LARP1: variants seen among roughly 807,000 people sequenced by gnomAD.
The protein encoded by LARP1 is La ribonucleoprotein 1, translational regulator, also known as la-related protein 1.
Under a neutral mutation model 122.7 loss-of-function variants are expected in LARP1, and 36 were observed. The observed-to-expected ratio is 0.29, with a 90% CI of 0.22 to 0.39. The LOEUF (loss-of-function observed/expected upper bound fraction) is 0.39. LARP1 is among the 10% of genes least tolerant of loss of function. The pLI is 1.00. For missense variants in LARP1, 1,040 were observed against 1,403.6 expected (o/e 0.74, Z 4.14); for synonymous variants, 539 against 528.7 (o/e 1.02, Z -0.27).
chr5:154,724,721 A>G (rs1056419350), intron 1 of LARP1, among the ~76,000 whole-genome samples: 3 of 149,910 alleles, frequency 2.0e-5, no homozygotes, highest in African/African-American at 7.4e-5. Flanking sequence ...GCTGGAGTGC[A>G]GTGGCACAAT....
chr5:154,739,370 A>C (rs769426995), intron 1 of LARP1, among the ~76,000 whole-genome samples: 4 of 152,106 alleles, frequency 2.6e-5, no homozygotes, highest in Non-Finnish European at 5.9e-5. Flanking sequence ...CAAGTACCAA[A>C]AGCACATGAT....
chr5:154,792,868 C>T, intron 4 of LARP1, 72 bp downstream of exon 4: 1 of 1,491,904 alleles, frequency 6.7e-7, no homozygotes, highest in Non-Finnish European at 9.1e-7. Flanking sequence ...CTCCAGGGGA[C>T]TGCTGGAGGA....
At chr5:154,784,705 G>C (rs1314830053) in intron 1 of LARP1, among the ~76,000 whole-genome samples, 3 of 152,132 alleles carry the variant, frequency 2.0e-5, no homozygotes, top group African/African-American at 7.2e-5. Context: ...CCTCTTACCA[G>C]ATCTTTTTAC....
chr5:154,716,216 C>T (rs10073561), intron 1 of LARP1, among the ~76,000 whole-genome samples: 115,353 of 152,004 alleles, frequency 0.76, 44,265 homozygotes, highest in African/African-American at 0.88. Context: ...GCCTCCCGGG[C>T]TCAAGCGATT....
intron 1 of LARP1, among the ~76,000 whole-genome samples, chr5:154,761,143 C>T (rs1189357910): frequency 6.6e-6 from 1 of 152,212 alleles, no homozygotes; most frequent in Non-Finnish European, 1.5e-5. Flanking sequence ...AATTAGGACA[C>T]CCTTTGAAGG....
intron 1 of LARP1, among the ~76,000 whole-genome samples, chr5:154,733,083 AC>A (rs1756679101): frequency 6.6e-6 from 1 of 152,110 alleles, no homozygotes; most frequent in Non-Finnish European, 1.5e-5. Flanking sequence ...CTCCGTCTGG[AC>A]CCACCTGGAA....
upstream of LARP1, among the ~76,000 whole-genome samples, chr5:154,753,016 G>C (rs530456095): frequency 1.3e-5 from 2 of 152,078 alleles, no homozygotes; most frequent in South Asian, 2.1e-4. Flanking sequence ...GCAGGCCCAG[G>C]GTAGGCAGAT....
chr5:154,701,226 T>C (rs901481760), intron 1 of LARP1, among the ~76,000 whole-genome samples: 1 of 152,196 alleles, frequency 6.6e-6, no homozygotes, highest in Admixed American at 6.5e-5. Flanking sequence ...ACAGGTCTTT[T>C]GGCAGACAGC....
At chr5:154,793,534 A>G in intron 4 of LARP1, 61 bp from the exon 5 acceptor site, 1 of 1,608,004 alleles carries the variant, frequency 6.2e-7, no homozygotes, top group Non-Finnish European at 8.5e-7. Context: ...GGAGTTGGGT[A>G]GAGCTGGCTA....
chr5:154,792,085 G>A (rs1251057657), intron 3 of LARP1: 13 of 423,460 alleles, frequency 3.1e-5, no homozygotes, highest in Non-Finnish European at 4.9e-6. Flanking sequence ...GTAGGAGAGT[G>A]GTCATTAGGC....
intron 1 of LARP1, among the ~76,000 whole-genome samples, chr5:154,721,074 G>A (rs894356165): frequency 5.3e-5 from 8 of 151,836 alleles, no homozygotes; most frequent in African/African-American, 1.9e-4. Context: ...TGGGCACGGT[G>A]GTTCACACTT....
At chr5:154,690,163 G>A (rs1316192017) in intron 1 of LARP1, among the ~76,000 whole-genome samples, 2 of 99,282 alleles carry the variant, frequency 2.0e-5, no homozygotes, top group African/African-American at 5.9e-5. Context: ...AGTGGTGCGG[G>A]GGAGGGCACA....
chr5:154,769,647 T>G (rs1246020806), intron 1 of LARP1, among the ~76,000 whole-genome samples: 1 of 152,222 alleles, frequency 6.6e-6, no homozygotes, highest in Middle Eastern at 3.2e-3. Context: ...CTGAGTTATG[T>G]TAGGCCCCAG....
chr5:154,685,941 T>G, intron 1 of LARP1: 1 of 478,914 alleles, frequency 2.1e-6, no homozygotes, highest in Non-Finnish European at 4.0e-6. Flanking sequence ...ATTCGGTTAA[T>G]CCTCCTTTGC....
intron 15 of LARP1, among the ~76,000 whole-genome samples, chr5:154,806,872 C>T (rs564745947): frequency 6.6e-6 from 1 of 152,232 alleles, no homozygotes; most frequent in Admixed American, 6.5e-5. Flanking sequence ...TCTAAGTGTA[C>T]TCATATAGTT....
intron 6 of LARP1, 23 bp from the exon 7 acceptor site, chr5:154,794,077 C>T: frequency 1.9e-6 from 3 of 1,613,578 alleles, no homozygotes; most frequent in East Asian, 2.2e-5. Context: ...TCCTCTCCCT[C>T]ATGGCACCCG....
chr5:154,725,081 CA>C (rs1324938447), intron 1 of LARP1, among the ~76,000 whole-genome samples: 2 of 151,874 alleles, frequency 1.3e-5, no homozygotes, highest in Admixed American at 6.6e-5. Context: ...CTTGTCTCTA[CA>C]AAAAAACTTT....
intron 1 of LARP1, among the ~76,000 whole-genome samples, chr5:154,789,166 G>T (rs985958616): frequency 4.7e-5 from 7 of 150,454 alleles, no homozygotes; most frequent in Non-Finnish European, 8.9e-5. Flanking sequence ...AGCCGAGATG[G>T]CGCCACTGCA....
At chr5:154,776,145 A>G (rs895242714) in intron 1 of LARP1, among the ~76,000 whole-genome samples, 1 of 152,130 alleles carries the variant, frequency 6.6e-6, no homozygotes, top group Non-Finnish European at 1.5e-5. Context: ...CCCAGTATCT[A>G]TTTTATTTTA....
Sources: allele counts gnomAD v4.1 joint callset (sites outside exome capture counted in the v4.1 genomes callset), GRCh38; gene constraint gnomAD v4.1.1; transcripts MANE v1.5; gene names NCBI Gene and HGNC (gene_info 2026-07-23, HGNC 2026-07-21).